RB1CC1: variants seen among roughly 807,000 people sequenced by gnomAD.
RB1CC1 encodes RB1 inducible coiled-coil 1, also known as RB1-inducible coiled-coil protein 1.
Under a neutral mutation model 177.5 loss-of-function variants are expected in RB1CC1, and 46 were observed. The observed-to-expected ratio is 0.26, with a 90% CI of 0.20 to 0.33. RB1CC1 has a LOEUF of 0.33. Ranked by LOEUF, RB1CC1 falls within the 10% of genes least tolerant of loss-of-function variation. The pLI is 1.00. For synonymous variants in RB1CC1, 666 were observed against 613.6 expected (o/e 1.09, Z -1.26); for missense variants, 1,703 against 1,816.3 (o/e 0.94, Z 1.13).
chr8:52,684,639 A>C, intron 3 of RB1CC1, among the ~76,000 whole-genome samples: 1 of 152,284 alleles, frequency 6.6e-6, no homozygotes, highest in African/African-American at 2.4e-5. Flanking sequence ...TATTAAATTT[A>C]TCTTTTCTCT....
chr8:52,652,606 T>C (rs917589280), intron 15 of RB1CC1, among the ~76,000 whole-genome samples: 1 of 152,150 alleles, frequency 6.6e-6, no homozygotes, highest in South Asian at 2.1e-4. Context: ...GAGTCAATTT[T>C]TGAGAGCGTA....
chr8:52,682,980 T>C (rs1853904736), intron 5 of RB1CC1, among the ~76,000 whole-genome samples: 1 of 152,178 alleles, frequency 6.6e-6, no homozygotes, highest in East Asian at 1.9e-4. Flanking sequence ...AATACTATTA[T>C]TTCATTGGTT....
chr8:52,664,340 T>C (rs1484404296), intron 8 of RB1CC1, among the ~76,000 whole-genome samples: 1 of 152,184 alleles, frequency 6.6e-6, no homozygotes, highest in Non-Finnish European at 1.5e-5. Context: ...GTAGATGACT[T>C]CTTATGAATA....
At chr8:52,682,110 C>A (rs984091666) in intron 5 of RB1CC1, among the ~76,000 whole-genome samples, 1 of 152,190 alleles carries the variant, frequency 6.6e-6, no homozygotes, top group Non-Finnish European at 1.5e-5. Context: ...AGGCTGCACC[C>A]TGCAAAGCCA....
intron 8 of RB1CC1, 103 bp downstream of exon 8, chr8:52,667,918 G>T: frequency 8.8e-7 from 1 of 1,141,796 alleles, no homozygotes; most frequent in South Asian, 1.9e-5. Context: ...AATATTCAAG[G>T]AAAAAGTGAA....
chr8:52,703,502 G>A (rs558806959), intron 1 of RB1CC1, among the ~76,000 whole-genome samples: 1 of 152,102 alleles, frequency 6.6e-6, no homozygotes, highest in Non-Finnish European at 1.5e-5. Flanking sequence ...CTGAAATGAG[G>A]TGCATGAATA....
intron 19 of RB1CC1, 103 bp downstream of exon 19, chr8:52,635,912 T>A: frequency 7.1e-7 from 1 of 1,400,046 alleles, no homozygotes; most frequent in East Asian, 2.5e-5. Context: ...AAAGGCTTAA[T>A]TTATAAACAC....
At chr8:52,645,925 C>T in intron 15 of RB1CC1, 58 bp from the exon 16 acceptor site, 1 of 1,466,912 alleles carries the variant, frequency 6.8e-7, no homozygotes, top group Non-Finnish European at 9.3e-7. Flanking sequence ...ACAAATATAC[C>T]AAATATCATA....
At chr8:52,644,729 A>G (rs934798087) in intron 16 of RB1CC1, among the ~76,000 whole-genome samples, 6 of 152,128 alleles carry the variant, frequency 3.9e-5, no homozygotes, top group African/African-American at 1.4e-4. Context: ...GGTTTCAACT[A>G]TACTTTATTT....
chr8:52,662,652 T>A (rs986828863), intron 8 of RB1CC1, among the ~76,000 whole-genome samples: 1 of 152,142 alleles, frequency 6.6e-6, no homozygotes, highest in East Asian at 1.9e-4. Flanking sequence ...AAAGGACAAG[T>A]GTGTCTTCCA....
intron 1 of RB1CC1, among the ~76,000 whole-genome samples, chr8:52,687,971 C>A (rs1292169464): frequency 6.6e-6 from 1 of 152,158 alleles, no homozygotes; most frequent in African/African-American, 2.4e-5. Flanking sequence ...AGCAGAGGAA[C>A]ATAAATTGTG....
intron 5 of RB1CC1, among the ~76,000 whole-genome samples, chr8:52,678,145 G>A (rs1853319127): frequency 6.6e-6 from 1 of 152,180 alleles, no homozygotes; most frequent in South Asian, 2.1e-4. Context: ...TGGGCCGGGT[G>A]CAGTGGCTCT....
intron 8 of RB1CC1, among the ~76,000 whole-genome samples, chr8:52,664,548 A>G (rs1454463222): frequency 6.6e-6 from 1 of 152,168 alleles, no homozygotes; most frequent in Non-Finnish European, 1.5e-5. Context: ...AAATACTACA[A>G]ATAAATTAGG....
At chr8:52,623,902 C>A in intron 23 of RB1CC1, 43 bp from the exon 24 acceptor site, 2 of 1,258,694 alleles carry the variant, frequency 1.6e-6, no homozygotes, top group Non-Finnish European at 2.3e-6. Context: ...GTGATTAAAC[C>A]ACATCTCTCT....
intron 20 of RB1CC1, among the ~76,000 whole-genome samples, chr8:52,634,560 C>T (rs555884980): frequency 3.9e-5 from 6 of 151,934 alleles, no homozygotes; most frequent in Admixed American, 1.3e-4. Context: ...ATTAAAATTA[C>T]GCACACTTGT....
intron 20 of RB1CC1, among the ~76,000 whole-genome samples, chr8:52,633,200 C>G (rs1848886457): frequency 6.6e-6 from 1 of 152,126 alleles, no homozygotes; most frequent in Non-Finnish European, 1.5e-5. Flanking sequence ...CCTCCCGAGG[C>G]TGTGTCATGA....
Position 52,624,807 on chromosome 8 carries a change from A to G in RB1CC1, c.4637-20T>C. 2 of 1,453,518 alleles carry G rather than the reference A, an allele frequency of 1.4e-6. No homozygotes were observed. The highest frequency in any genetic ancestry group is 1.9e-6 in the Non-Finnish European group (2 of 1,076,210). The allele number at this position is 1,453,518 out of a possible 1,614,324, so 90.0% of individuals were successfully genotyped here. A position where few individuals can be genotyped will look rare whatever the true frequency, so the allele number is the denominator to read the frequency against. ...CTGAAGCTAATGAAATTAAATAGTT[A>G]ATCTCTTTTTGAAAGTATGATTATA... On this transcript the variant is annotated intron_variant, in intron 22 of 23. Coordinates refer to ENST00000025008, the MANE Select transcript of RB1CC1 (RefSeq NM_014781.5).
chr8:52,698,179 C>CA (rs1355217361), intron 1 of RB1CC1, among the ~76,000 whole-genome samples: 1 of 152,068 alleles, frequency 6.6e-6, no homozygotes, highest in Non-Finnish European at 1.5e-5. Flanking sequence ...CCGGCTCAAG[C>CA]AATCCTCCCA....
intron 5 of RB1CC1, among the ~76,000 whole-genome samples, 197 bp downstream of exon 5, chr8:52,683,352 A>C (rs1371005584): frequency 6.6e-6 from 1 of 152,182 alleles, no homozygotes; most frequent in East Asian, 1.9e-4. Context: ...TCCACTCTAA[A>C]ATACTGTCAT....
Sources: allele counts gnomAD v4.1 joint callset (sites outside exome capture counted in the v4.1 genomes callset), GRCh38; gene constraint gnomAD v4.1.1; transcripts MANE v1.5; gene names NCBI Gene and HGNC (gene_info 2026-07-23, HGNC 2026-07-21).